KMT5B: variants seen among roughly 807,000 people sequenced by gnomAD.
KMT5B encodes histone-lysine N-methyltransferase KMT5B.
Under a neutral mutation model 83.2 loss-of-function variants are expected in KMT5B, and 10 were observed. The ratio of observed to expected loss-of-function variants is 0.12; its 90% confidence interval spans 0.07 to 0.20. KMT5B has a LOEUF of 0.20. Ranked by LOEUF, KMT5B falls within the 10% of genes least tolerant of loss-of-function variation. The pLI, the probability that KMT5B is intolerant of heterozygous loss-of-function variation, is 1.00. For missense variants in KMT5B, 753 were observed against 1,067.2 expected, an observed-to-expected ratio of 0.71 and a Z score of 4.10; for synonymous variants, 349 against 388.8, an observed-to-expected ratio of 0.90 and a Z score of 1.20.
At chr11:68,193,620 T>A (rs906782463) in intron 1 of KMT5B, among the ~76,000 whole-genome samples, 1 of 152,170 alleles carries the variant, frequency 6.6e-6, no homozygotes, top group African/African-American at 2.4e-5. Context: ...ATTTAACTTT[T>A]AACGTGCCTT....
chr11:68,166,517 G>C (rs993659130), intron 10 of KMT5B: 1 of 1,003,630 alleles, frequency 1.0e-6, no homozygotes, highest in Admixed American at 5.3e-5. Flanking sequence ...TTTTGAAAAA[G>C]GTCAGCAAGC....
At chr11:68,197,860 T>A (rs1858908270) in intron 1 of KMT5B, among the ~76,000 whole-genome samples, 3 of 152,334 alleles carry the variant, frequency 2.0e-5, no homozygotes, top group Non-Finnish European at 4.4e-5. Context: ...TTTCTTAAAC[T>A]GATAAATGAA....
At chr11:68,186,632 A>G (rs1305576213) in intron 2 of KMT5B, among the ~76,000 whole-genome samples, 1 of 152,258 alleles carries the variant, frequency 6.6e-6, no homozygotes, top group African/African-American at 2.4e-5. Flanking sequence ...GTGGAAGAAA[A>G]GCAATGTAAA....
Position 68,156,199 on chromosome 11 carries a change from AGG to A in KMT5B, c.*1487_*1488del, listed in dbSNP as rs1283163392. 1 of 152,268 alleles carries A rather than the reference AGG, an allele frequency of 6.6e-6. No individual in the cohort carries two copies. Among genetic ancestry groups the A allele is most frequent in the Non-Finnish European group, 1.5e-5 (1 of 68,040 alleles). The allele number at this position is 152,268 out of a possible 1,614,324, so 9.4% of individuals were successfully genotyped here. On this transcript the variant is annotated 3_prime_UTR_variant, in exon 11 of 11. Coordinates refer to ENST00000304363, the MANE Select transcript of KMT5B (RefSeq NM_017635.5). ...AAATCCCCTGAATTGATTTTTACTT[AGG>A]AACACTGTATATCAGAAAGTACAGG...
chr11:68,164,492 G>A (rs909897953), intron 10 of KMT5B, among the ~76,000 whole-genome samples: 30 of 152,144 alleles, frequency 2.0e-4, no homozygotes, highest in African/African-American at 6.0e-4. Flanking sequence ...AACACCAAAA[G>A]AAATACAGCC....
At chr11:68,199,755 G>C (rs904070424) in intron 1 of KMT5B, among the ~76,000 whole-genome samples, 2 of 152,218 alleles carry the variant, frequency 1.3e-5, no homozygotes, top group African/African-American at 4.8e-5. Context: ...CTGCTAGCCA[G>C]AGGAGAACTA....
rs1591105974 is a variant in KMT5B at position 68,213,134 on chromosome 11, T to G, written c.-77+4A>C. On this transcript the variant is annotated splice_donor_region_variant and intron_variant, in intron 1 of 10. Coordinates refer to ENST00000304363, the MANE Select transcript of KMT5B (RefSeq NM_017635.5). ...CGCCGGCGCCCGCCCCTCCCCCGAC[T>G]CACCGCCTGCGCCGCCCCGCTCCTC... 3.1e-5 allele frequency: 1 copy of G among 32,552 alleles called. No homozygotes were observed. The highest frequency in any genetic ancestry group is 3.9e-4 in the Admixed American group (1 of 2,532). The allele number at this position is 32,552 out of a possible 1,614,324, so 2.0% of individuals were successfully genotyped here.
Position 68,171,214 on chromosome 11 carries a change from A to C in KMT5B, c.840+18T>G. The C allele has an allele frequency of 6.2e-7, 1 of 1,602,502 alleles. No homozygotes were observed. Among genetic ancestry groups the C allele is most frequent in the Non-Finnish European group, 8.5e-7 (1 of 1,177,564 alleles). On this transcript the variant is annotated intron_variant, in intron 8 of 10. Transcript: ENST00000304363. The surrounding 1 kb of genome is among the most constrained non-coding windows in gnomAD (Gnocchi z 5.1). ...AAGCAAAAACAAAATACTTGAAGAAAATTTTTTTAATGCTTACCTTACAAT... is the reference window on the plus strand; with the variant it reads ...AAGCAAAAACAAAATACTTGAAGAACATTTTTTTAATGCTTACCTTACAAT...
intron 1 of KMT5B, among the ~76,000 whole-genome samples, chr11:68,210,172 C>T (rs1860708167): frequency 6.6e-6 from 1 of 151,966 alleles, no homozygotes; most frequent in Admixed American, 6.6e-5. Flanking sequence ...TGTGCTATTA[C>T]AACAGACAAA....
intron 1 of KMT5B, among the ~76,000 whole-genome samples, chr11:68,204,397 T>A (rs1859811603): frequency 6.6e-6 from 1 of 152,292 alleles, no homozygotes; most frequent in East Asian, 1.9e-4. Flanking sequence ...AATGACTTTA[T>A]AAGAGGCAGA....
rs2153038378 is a variant in KMT5B at position 68,155,407 on chromosome 11, G to T, written c.*2281C>A. The T allele has an allele frequency of 6.6e-6, 1 of 152,254 alleles. No homozygotes were observed. Among genetic ancestry groups the T allele is most frequent in the South Asian group, 2.1e-4 (1 of 4,820 alleles). 9.4% of individuals were successfully genotyped at this position (152,254 alleles called of 1,614,324 possible). A position where few individuals can be genotyped will look rare whatever the true frequency, so the allele number is the denominator to read the frequency against. ...TGCTTTGAGACCCATGGGAAGGTTG[G>T]CCTCCAAAGAGGAGGCCATGATAAA... On this transcript the variant is annotated 3_prime_UTR_variant, in exon 11 of 11. Transcript: ENST00000304363.
chr11:68,182,847 C>T (rs538419483), intron 3 of KMT5B, among the ~76,000 whole-genome samples: 66 of 152,046 alleles, frequency 4.3e-4, no homozygotes, highest in Admixed American at 1.0e-3. Flanking sequence ...AGCGATTCTC[C>T]TGCCTCGGCC....
At chr11:68,207,521 G>A (rs550418935) in intron 1 of KMT5B, among the ~76,000 whole-genome samples, 6 of 151,300 alleles carry the variant, frequency 4.0e-5, no homozygotes, top group South Asian at 2.1e-4. Flanking sequence ...GGCCAGGCAC[G>A]GTGGCTCACG....
intron 3 of KMT5B, among the ~76,000 whole-genome samples, chr11:68,183,332 A>T (rs1175176273): frequency 1.3e-5 from 2 of 152,002 alleles, no homozygotes; most frequent in East Asian, 3.9e-4. Flanking sequence ...AAAAGAAAAG[A>T]AAAGAAAATG....
intron 9 of KMT5B, among the ~76,000 whole-genome samples, chr11:68,168,701 A>C (rs1222911372): frequency 6.6e-6 from 1 of 152,222 alleles, no homozygotes; most frequent in Admixed American, 6.5e-5. Flanking sequence ...TACTACTGTC[A>C]GTACAGTGTA....
chr11:68,197,191 T>G (rs1298933707), intron 1 of KMT5B, among the ~76,000 whole-genome samples: 4 of 152,114 alleles, frequency 2.6e-5, no homozygotes, highest in African/African-American at 7.2e-5. Context: ...GCCAGGATAG[T>G]CTCGATCTCC....
chr11:68,202,597 G>A (rs1239067794), intron 1 of KMT5B, among the ~76,000 whole-genome samples: 1 of 134,510 alleles, frequency 7.4e-6, no homozygotes, highest in Non-Finnish European at 1.5e-5. Context: ...TGCCCAGGCT[G>A]GAGTGCAGTG....
At chr11:68,160,346 G>C (rs1359678463) in intron 10 of KMT5B, among the ~76,000 whole-genome samples, 1 of 152,168 alleles carries the variant, frequency 6.6e-6, no homozygotes, top group Non-Finnish European at 1.5e-5. Context: ...ATTTATAGAA[G>C]TTGTTACACA....
rs753470793 is a variant in KMT5B, at chr11:68,158,253, CTCT to C, written c.2090_2092del (p.Lys697del). 23 of 1,614,104 alleles carry C rather than the reference CTCT, an allele frequency of 1.4e-5. No homozygotes were observed. The highest frequency in any genetic ancestry group is 1.6e-4 in the Middle Eastern group (1 of 6,062). On this transcript the variant is annotated inframe_deletion, in exon 11 of 11. Coordinates refer to ENST00000304363, the MANE Select transcript of KMT5B (RefSeq NM_017635.5). ...CTGTGCATCATACCTTGTGATTCGC[CTCT>C]TCTTTTTACTTTTTGCAGTTCTAAA... is the stretch of plus-strand genomic sequence containing the variant.
Sources: gnomAD v4.1 joint callset for allele counts (sites outside exome capture counted in the v4.1 genomes callset) on GRCh38, gnomAD v4.1.1 for gene constraint, Gnocchi (gnomAD v3.1) non-coding constraint, MANE v1.5 for transcripts, NCBI Gene and HGNC (gene_info 2026-07-23, HGNC 2026-07-21) for gene names.